Variants in DENND1B observed in about 807,000 individuals in gnomAD.
The protein encoded by DENND1B is DENN domain containing 1B, also known as DENN domain-containing protein 1B.
DENND1B carries 59 observed loss-of-function variants against 90.1 expected under a neutral mutation model. The observed-to-expected ratio is 0.65, with a 90% CI of 0.53 to 0.81. The LOEUF is 0.81. DENND1B is among the 40% of genes least tolerant of loss of function. DENND1B has a pLI of 0.00. For missense variants in DENND1B, 862 were observed against 912.6 expected (o/e 0.94, Z 0.71); for synonymous variants, 337 against 324.6 (o/e 1.04, Z -0.41).
chr1:197,516,298 A>G (rs912160370), intron 20 of DENND1B, among the ~76,000 whole-genome samples: 3 of 151,852 alleles, frequency 2.0e-5, no homozygotes, highest in Non-Finnish European at 4.4e-5. Flanking sequence ...ATTAATAGTC[A>G]TTGAATATAT....
At chr1:197,707,971 G>A (rs1194676023) in intron 3 of DENND1B, among the ~76,000 whole-genome samples, 3 of 152,048 alleles carry the variant, frequency 2.0e-5, no homozygotes, top group African/African-American at 7.2e-5. Flanking sequence ...GGTGACGGCC[G>A]CACCCGGAAA....
chr1:197,610,590 C>A (rs1274575525), intron 12 of DENND1B, among the ~76,000 whole-genome samples: 1 of 150,550 alleles, frequency 6.6e-6, no homozygotes, highest in Non-Finnish European at 1.5e-5. Flanking sequence ...ATATAAAAAT[C>A]AAATTTGATG....
In DENND1B at chr1:197,507,400, C is replaced by A. The variant is rs766683896; in HGVS notation, c.*3060G>T. The A allele has an allele frequency of 6.6e-6, 1 of 151,108 alleles. No individual in the cohort carries two copies. Among genetic ancestry groups the A allele is most frequent in the Non-Finnish European group, 1.5e-5 (1 of 67,526 alleles). The allele number at this position is 151,108 out of a possible 1,614,324, so 9.4% of individuals were successfully genotyped here. A position where few individuals can be genotyped will look rare whatever the true frequency, so the allele number is the denominator to read the frequency against. ...TATGTTTTGGTGCTTTTCTAAGACA[C>A]ATTAAAGTAGGTAATCATCAAAAGA... On this transcript the variant is annotated 3_prime_UTR_variant, in exon 23 of 23. Transcript: ENST00000620048.
chr1:197,766,317 A>AC (rs1262398732), intron 2 of DENND1B, among the ~76,000 whole-genome samples: 1 of 152,216 alleles, frequency 6.6e-6, no homozygotes, highest in Non-Finnish European at 1.5e-5. Flanking sequence ...TGAGAGACTC[A>AC]GAGTTCTTAA....
At chr1:197,714,937 T>A in intron 3 of DENND1B, 94 bp downstream of exon 3, 1 of 884,128 alleles carries the variant, frequency 1.1e-6, no homozygotes, top group Admixed American at 2.1e-5. Flanking sequence ...CAATCCATGT[T>A]CACTAGTAGT....
At chr1:197,572,466 T>A (rs1055903929) in intron 15 of DENND1B, among the ~76,000 whole-genome samples, 2 of 152,228 alleles carry the variant, frequency 1.3e-5, no homozygotes, top group Non-Finnish European at 2.9e-5. Flanking sequence ...ACTGCCTCTA[T>A]AGACTCCACC....
chr1:197,642,771 C>T lies in DENND1B; in HGVS notation c.612G>A (p.Gln204=). 6.2e-7 allele frequency: 1 copy of T among 1,613,668 alleles called. No individual in the cohort carries two copies. Among genetic ancestry groups the T allele is most frequent in the Non-Finnish European group, 8.5e-7 (1 of 1,179,784 alleles). The stretch of plus-strand genomic sequence containing the variant: ...TTTCATGCAGCATACTGGCATACAG[C>T]TGCAGCATGTTGTTCACATCCACGG... The part of the protein sequence containing the change: ...FVAVDVNNML[Q]LYASMLHERR... Residue 204 remains glutamine (Q), a synonymous_variant, in exon 10 of 23, where the codon CAG becomes CAA. Transcript: ENST00000620048.
At chr1:197,776,581 T>C (rs1333425276), upstream of DENND1B, among the ~76,000 whole-genome samples, 1 of 152,122 alleles carries the variant, frequency 6.6e-6, no homozygotes, top group Non-Finnish European at 1.5e-5. Flanking sequence ...GAAGTTAAGA[T>C]GATGAGAGGA....
chr1:197,743,646 G>A (rs542251966), intron 2 of DENND1B, among the ~76,000 whole-genome samples: 6 of 152,230 alleles, frequency 3.9e-5, no homozygotes, highest in Non-Finnish European at 7.4e-5. Flanking sequence ...CATAAGATGT[G>A]GTTTGATAGC....
chr1:197,515,995 A>C (rs1385084537), intron 20 of DENND1B, among the ~76,000 whole-genome samples: 12 of 151,786 alleles, frequency 7.9e-5, no homozygotes, highest in Non-Finnish European at 1.6e-4. Flanking sequence ...TTATGAAGCT[A>C]CTGCTTTTTC....
chr1:197,646,328 T>A (rs1264229515), intron 8 of DENND1B, among the ~76,000 whole-genome samples: 1 of 151,936 alleles, frequency 6.6e-6, no homozygotes, highest in African/African-American at 2.4e-5. Flanking sequence ...CACGTAGTAA[T>A]CCCAAAATAT....
At chr1:197,731,386 A>G (rs1662130413) in intron 2 of DENND1B, among the ~76,000 whole-genome samples, 2 of 152,202 alleles carry the variant, frequency 1.3e-5, no homozygotes, top group African/African-American at 4.8e-5. Context: ...CCTCTAGGAA[A>G]GTGAGCAATT....
At chr1:197,708,158 C>G (rs1659805455) in intron 3 of DENND1B, among the ~76,000 whole-genome samples, 1 of 98,122 alleles carries the variant, frequency 1.0e-5, no homozygotes, top group African/African-American at 4.1e-5. Flanking sequence ...GGGAGGGGCG[C>G]CCGCCATTGC....
chr1:197,574,298 CAG>C (rs947861368), intron 15 of DENND1B, among the ~76,000 whole-genome samples: 1 of 152,126 alleles, frequency 6.6e-6, no homozygotes, highest in African/African-American at 2.4e-5. Flanking sequence ...ACACCAATAA[CAG>C]ACAATCGGAG....
In DENND1B at chr1:197,546,059, CA is replaced by C; in HGVS notation, c.1282-70del. ...AAAATATCCTGAAAACAAAGTATTA[CA>C]GTAAGTTGCATATTTAAAAAAAGGG... On this transcript the variant is annotated intron_variant, in intron 17 of 22. Transcript: ENST00000620048. The C allele has an allele frequency of 3.9e-6, 5 of 1,287,662 alleles. No homozygotes were observed. The South Asian group carries it at 6.9e-5, about 18-fold the overall frequency. 79.8% of individuals were successfully genotyped at this position (1,287,662 alleles called of 1,614,324 possible).
rs971035745 is a variant in DENND1B at position 197,664,943 on chromosome 1, T to C, written c.297-6574A>G. Among the ~76,000 whole-genome samples the C allele has an allele frequency of 5.9e-4, 90 of 152,240 alleles. 1 individual carries two copies. Among genetic ancestry groups the C allele is most frequent in the African/African-American group, 2.1e-3 (87 of 41,578 alleles). On this transcript the variant is annotated intron_variant, in intron 5 of 22. Transcript: ENST00000620048. ...TGAACCCTTGGCGACAATTTTATAGTTATAAAATTATGTTAATCAAATTAG... is the reference window on the plus strand; with the variant it reads ...TGAACCCTTGGCGACAATTTTATAGCTATAAAATTATGTTAATCAAATTAG...
intron 2 of DENND1B, 112 bp from the exon 3 acceptor site, chr1:197,715,186 A>G: frequency 1.3e-6 from 1 of 741,346 alleles, no homozygotes; most frequent in Admixed American, 3.0e-5. Context: ...ACAACATTTA[A>G]ATTTTTCTTT....
intron 15 of DENND1B, among the ~76,000 whole-genome samples, chr1:197,569,123 GA>G (rs902882091): frequency 1.3e-5 from 2 of 151,326 alleles, no homozygotes; most frequent in Admixed American, 6.6e-5. Flanking sequence ...AAAATATTTG[GA>G]AAAAAAACAT....
chr1:197,551,647 C>A (rs1205051542), intron 16 of DENND1B, among the ~76,000 whole-genome samples: 1 of 152,028 alleles, frequency 6.6e-6, no homozygotes, highest in Non-Finnish European at 1.5e-5. Context: ...TAGTTCTAGC[C>A]TCTTATTGTC....
Sources: gnomAD v4.1 joint callset for allele counts (sites outside exome capture counted in the v4.1 genomes callset) on GRCh38, gnomAD v4.1.1 for gene constraint, MANE v1.5 for transcripts, NCBI Gene and HGNC (gene_info 2026-07-23, HGNC 2026-07-21) for gene names.